The following CACNA1E variants were observed in gnomAD, a reference collection of about 807,000 sequenced individuals.
CACNA1E encodes the protein voltage-dependent R-type calcium channel subunit alpha-1E.
Under a neutral mutation model 259.2 loss-of-function variants are expected in CACNA1E, and 40 were observed. That is an observed-to-expected ratio of 0.15 (90% CI 0.12 to 0.20). CACNA1E has a LOEUF of 0.20. Ranked by LOEUF, CACNA1E falls within the 10% of genes least tolerant of loss-of-function variation. CACNA1E has a pLI of 1.00. For missense variants in CACNA1E, 1,874 were observed against 3,040.1 expected, an observed-to-expected ratio of 0.62 and a Z score of 9.02; for synonymous variants, 1,104 against 1,138.5, an observed-to-expected ratio of 0.97 and a Z score of 0.61.
At position 181,798,225 on chromosome 1, in the gene CACNA1E, T is replaced by G; in HGVS notation, c.6400-67T>G. The G allele has an allele frequency of 7.5e-7, 1 of 1,331,478 alleles. No homozygotes were observed. The highest frequency in any genetic ancestry group is 1.0e-6 in the Non-Finnish European group (1 of 965,252). 82.5% of individuals were successfully genotyped at this position (1,331,478 alleles called of 1,614,324 possible). A position where few individuals can be genotyped will look rare whatever the true frequency, so the allele number is the denominator to read the frequency against. On this transcript the variant is annotated intron_variant, in intron 47 of 47. Coordinates refer to ENST00000367573, the MANE Select transcript of CACNA1E (RefSeq NM_001205293.3). This position sits in a 1 kb window ranked among gnomAD's most constrained non-coding sequence, Gnocchi z 4.2. The stretch of plus-strand genomic sequence containing the variant: ...AGAATTCAGATTCCAAGGACTCTCT[T>G]AACAGAGTTGCAAGTAGGGATCATG...
At chr1:181,686,285 T>TTTTTTTTTG in intron 7 of CACNA1E, among the ~76,000 whole-genome samples, 1 of 130,966 alleles carries the variant, frequency 7.6e-6, no homozygotes, top group Non-Finnish European at 1.6e-5. Context: ...GTTTTTTTTT[T>TTTTTTTTTG]TTTTTTTTTT....
At chr1:181,542,816 T>A (rs1668697404) in intron 3 of CACNA1E, among the ~76,000 whole-genome samples, 1 of 151,260 alleles carries the variant, frequency 6.6e-6, no homozygotes, top group African/African-American at 2.4e-5. Flanking sequence ...ACCTTTAAAG[T>A]AATGTTACCT....
chr1:181,463,717 G>A (rs992700890), intron 2 of CACNA1E, among the ~76,000 whole-genome samples: 15 of 151,966 alleles, frequency 9.9e-5, no homozygotes, highest in African/African-American at 2.7e-4. Context: ...GATAGAATTC[G>A]TGAGTTGTCA....
chr1:181,745,330 A>AT (rs375841404), intron 25 of CACNA1E: 7,120 of 435,314 alleles, frequency 0.016, no homozygotes, highest in South Asian at 0.025. Context: ...ACACCCAAGT[A>AT]TTTTTTTTTT....
Position 181,718,059 on chromosome 1 carries a change from T to C in CACNA1E, c.1530T>C (p.Tyr510=). The change falls in exon 12 of 48, where the codon TAT becomes TAC. Residue 510 remains tyrosine (Y), a synonymous_variant. Coordinates refer to ENST00000367573, the MANE Select transcript of CACNA1E (RefSeq NM_001205293.3). ...CTCTACTTTTAATACTTCCAGACTA[T>C]GCAGAATTTCTGTTTCTGGGACTCT... ...QPQWLTHLLY[Y]AEFLFLGLFL... 6.5e-7 allele frequency: 1 copy of C among 1,531,578 alleles called. No individual in the cohort carries two copies. The highest frequency in any genetic ancestry group is 9.0e-7 in the Non-Finnish European group (1 of 1,105,218). The allele number at this position is 1,531,578 out of a possible 1,614,324, so 94.9% of individuals were successfully genotyped here. A position where few individuals can be genotyped will look rare whatever the true frequency, so the allele number is the denominator to read the frequency against.
intron 1 of CACNA1E, among the ~76,000 whole-genome samples, chr1:181,333,353 C>A (rs1238134315): frequency 6.6e-6 from 1 of 152,188 alleles, no homozygotes; most frequent in African/African-American, 2.4e-5. Flanking sequence ...AAGCCCACAC[C>A]CATTACATAC....
At chr1:181,656,427 A>AT (rs772725694) in intron 7 of CACNA1E, among the ~76,000 whole-genome samples, 42 of 152,376 alleles carry the variant, frequency 2.8e-4, no homozygotes, top group Non-Finnish European at 3.7e-4. Context: ...AAAAGTAAGA[A>AT]TAAAAAAAGC....
At chr1:181,390,981 C>A (rs1204343007) in intron 1 of CACNA1E, among the ~76,000 whole-genome samples, 1 of 152,180 alleles carries the variant, frequency 6.6e-6, no homozygotes, top group African/African-American at 2.4e-5. Flanking sequence ...TCTGTAATTT[C>A]CACCCAGTTA....
At chr1:181,434,929 C>A (rs1021244786) in intron 2 of CACNA1E, among the ~76,000 whole-genome samples, 1 of 152,200 alleles carries the variant, frequency 6.6e-6, no homozygotes, top group Non-Finnish European at 1.5e-5. Flanking sequence ...CTTCCCAGCT[C>A]CTTATTCAGT....
chr1:181,610,816 A>C (rs756869351), intron 6 of CACNA1E, among the ~76,000 whole-genome samples: 26 of 152,188 alleles, frequency 1.7e-4, no homozygotes, highest in Non-Finnish European at 3.5e-4. Context: ...GCTCTAATAT[A>C]AATAAAAACA....
At chr1:181,538,370 G>A (rs564697283) in intron 3 of CACNA1E, among the ~76,000 whole-genome samples, 1 of 152,270 alleles carries the variant, frequency 6.6e-6, no homozygotes, top group East Asian at 1.9e-4. Flanking sequence ...TTTTATACAT[G>A]CTGCATGAGA....
intron 2 of CACNA1E, among the ~76,000 whole-genome samples, chr1:181,456,387 G>A (rs1661463377): frequency 6.6e-6 from 1 of 152,154 alleles, no homozygotes; most frequent in South Asian, 2.1e-4. Flanking sequence ...TTCACTATGG[G>A]TGAAGAGCCT....
intron 7 of CACNA1E, among the ~76,000 whole-genome samples, chr1:181,707,595 A>G (rs1488324600): frequency 6.6e-6 from 1 of 152,140 alleles, no homozygotes; most frequent in East Asian, 1.9e-4. Context: ...GACATACCCC[A>G]TTCTTCATAG....
intron 29 of CACNA1E, among the ~76,000 whole-genome samples, chr1:181,756,450 G>A (rs1365193882): frequency 6.6e-6 from 1 of 152,172 alleles, no homozygotes; most frequent in Admixed American, 6.5e-5. Context: ...GGGGGGCCCA[G>A]CACCTGAAAG....
intron 1 of CACNA1E, among the ~76,000 whole-genome samples, chr1:181,492,356 A>G (rs1428802235): frequency 2.0e-5 from 3 of 152,230 alleles, no homozygotes; most frequent in Non-Finnish European, 2.9e-5. Flanking sequence ...TGTGTGATTT[A>G]TAATTCATAT....
intron 37 of CACNA1E, 144 bp downstream of exon 37, chr1:181,772,375 C>T: frequency 2.7e-6 from 2 of 747,104 alleles, no homozygotes; most frequent in South Asian, 1.9e-5. Context: ...CATGCACACA[C>T]TCACACTCAC....
intron 3 of CACNA1E, among the ~76,000 whole-genome samples, chr1:181,561,996 A>C (rs1165865905): frequency 6.6e-6 from 1 of 152,110 alleles, no homozygotes; most frequent in Admixed American, 6.6e-5. Flanking sequence ...AATGATTAAT[A>C]ATGTCCCATC....
intron 28 of CACNA1E, 90 bp from the exon 29 acceptor site, chr1:181,755,866 C>A (rs1454760991): frequency 1.5e-6 from 2 of 1,302,654 alleles, no homozygotes; most frequent in Non-Finnish European, 2.1e-6. Context: ...ATTATTACCC[C>A]CACATTATTG....
chr1:181,711,148 A>C, intron 8 of CACNA1E, 79 bp downstream of exon 8: 3 of 955,956 alleles, frequency 3.1e-6, no homozygotes. Context: ...CAATGCTCCC[A>C]TTCAAGGGGC....
Sources: allele counts gnomAD v4.1 joint callset (sites outside exome capture counted in the v4.1 genomes callset), GRCh38; gene constraint gnomAD v4.1.1; non-coding constraint Gnocchi (gnomAD v3.1); transcripts MANE v1.5; gene names NCBI Gene and HGNC (gene_info 2026-07-23, HGNC 2026-07-21).